The following MDFIC variants were observed in gnomAD, a reference collection of about 807,000 sequenced individuals.
MDFIC encodes the protein MyoD family inhibitor domain containing, also known as myoD family inhibitor domain-containing protein.
In MDFIC, 17 loss-of-function variants were observed where a neutral mutation model predicts 23.2. The ratio of observed to expected loss-of-function variants is 0.73; its 90% CI spans 0.50 to 1.10. The LOEUF is 1.10. Among genes scored for constraint, MDFIC ranks in the 50% least tolerant of loss-of-function variants. MDFIC has a pLI of 0.00. For synonymous variants in MDFIC, 120 were observed against 115.2 expected, an observed-to-expected ratio of 1.04 and a Z score of -0.27; for missense variants, 356 against 316.6, an observed-to-expected ratio of 1.12 and a Z score of -0.95.
intron 3 of MDFIC, among the ~76,000 whole-genome samples, chr7:114,951,202 G>C (rs1792762026): frequency 6.6e-6 from 1 of 151,208 alleles, no homozygotes; most frequent in Admixed American, 6.6e-5. Flanking sequence ...AAAAAGAAAA[G>C]AAAGACAAAT....
intron 2 of MDFIC, among the ~76,000 whole-genome samples, chr7:114,931,526 G>A: frequency 6.6e-6 from 1 of 152,178 alleles, no homozygotes; most frequent in Non-Finnish European, 1.5e-5. Flanking sequence ...AATTAAGAAT[G>A]TATAGTTTTG....
chr7:114,998,027 G>T (rs919120490), intron 4 of MDFIC, among the ~76,000 whole-genome samples: 1 of 152,092 alleles, frequency 6.6e-6, no homozygotes, highest in Non-Finnish European at 1.5e-5. Context: ...CATTTGGGAC[G>T]ATGAAAAATA....
chr7:115,015,361 A>G (rs1791774109), intron 4 of MDFIC, among the ~76,000 whole-genome samples: 7 of 152,232 alleles, frequency 4.6e-5, no homozygotes, highest in African/African-American at 9.6e-5. Context: ...GCAATAGGAT[A>G]TAGAAAGATG....
Position 115,016,003 on chromosome 7 carries a change from C to A in MDFIC, c.*68C>A. On this transcript the variant is annotated 3_prime_UTR_variant, in exon 5 of 5. Transcript: ENST00000393486. ...AATTTCCTTTTGGGGGGAAGAAAAG[C>A]ACATTGTAAGATTCTCATGAAACAA... 1 of 1,457,714 alleles carries A rather than the reference C, an allele frequency of 6.9e-7. No individual in the cohort carries two copies. Among genetic ancestry groups the A allele is most frequent in the Non-Finnish European group, 9.3e-7 (1 of 1,071,428 alleles). 90.3% of individuals were successfully genotyped at this position (1,457,714 alleles called of 1,614,324 possible).
At chr7:114,953,104 G>A (rs191351896) in intron 3 of MDFIC, among the ~76,000 whole-genome samples, 1 of 152,296 alleles carries the variant, frequency 6.6e-6, no homozygotes, top group Non-Finnish European at 1.5e-5. Context: ...GAACATGGAA[G>A]ATTAAACCCA....
At chr7:114,953,124 A>G (rs1221039806) in intron 3 of MDFIC, among the ~76,000 whole-genome samples, 1 of 152,226 alleles carries the variant, frequency 6.6e-6, no homozygotes, top group African/African-American at 2.4e-5. Flanking sequence ...ATATTCCTAC[A>G]TATTTAAGTT....
intron 3 of MDFIC, among the ~76,000 whole-genome samples, chr7:114,951,459 T>C (rs1028112577): frequency 1.2e-4 from 19 of 152,296 alleles, no homozygotes; most frequent in African/African-American, 4.3e-4. Flanking sequence ...AAGACATATG[T>C]CAGTGTCTGT....
chr7:114,933,269 T>TTTG (rs1792360839), intron 2 of MDFIC, among the ~76,000 whole-genome samples: 2 of 151,466 alleles, frequency 1.3e-5, no homozygotes, highest in African/African-American at 4.8e-5. Context: ...TTTTTTTTTT[T>TTTG]TCCTTTTGAG....
intron 3 of MDFIC, among the ~76,000 whole-genome samples, chr7:114,978,310 A>G (rs1421560340): frequency 1.3e-5 from 2 of 152,070 alleles, no homozygotes; most frequent in Non-Finnish European, 2.9e-5. Flanking sequence ...GTCAAGTTCC[A>G]TAAACAAGCC....
At chr7:114,930,926 G>A (rs759073582) in intron 2 of MDFIC, among the ~76,000 whole-genome samples, 46 of 152,150 alleles carry the variant, frequency 3.0e-4, no homozygotes, top group Non-Finnish European at 5.6e-4. Flanking sequence ...CTAGATTCTA[G>A]ATTTTGGACA....
At chr7:114,965,457 T>C (rs1462191849) in intron 3 of MDFIC, among the ~76,000 whole-genome samples, 1 of 152,226 alleles carries the variant, frequency 6.6e-6, no homozygotes, top group Non-Finnish European at 1.5e-5. Flanking sequence ...AGAGAAAATC[T>C]GGACTCCCAG....
chr7:114,929,580 A>G lies in MDFIC; in HGVS notation c.94+6453A>G, dbSNP rs571796101. Among the ~76,000 whole-genome samples, 4 of 152,342 alleles carry G rather than the reference A, an allele frequency of 2.6e-5. No homozygotes were observed. The South Asian group carries it at 8.3e-4, about 32-fold the overall frequency. ...GGTGGAAAAGTAGAAATTTAAGGTA[A>G]TCCATAAGTTTGCTTTGTAGCCTGA... On this transcript the variant is annotated intron_variant, in intron 2 of 4. Coordinates refer to ENST00000393486, the MANE Select transcript of MDFIC (RefSeq NM_001166345.3).
At position 115,015,715 on chromosome 7, in the gene MDFIC, G is replaced by T; in HGVS notation, c.521G>T (p.Cys174Phe). 6.2e-7 allele frequency: 1 copy of T among 1,614,146 alleles called. No homozygotes were observed. The highest frequency in any genetic ancestry group is 8.5e-7 in the Non-Finnish European group (1 of 1,180,030). ...EDCCVHCILA[C>F]LFCEFLTLCN... Reference sequence around the variant, plus strand: ...TGTTGTGTCCACTGTATCCTGGCTTGCTTGTTCTGCGAATTCCTGACCCTT... The same window carrying T: ...TGTTGTGTCCACTGTATCCTGGCTTTCTTGTTCTGCGAATTCCTGACCCTT... Residue 174 changes from cysteine to phenylalanine, a missense_variant, in exon 5 of 5, where the codon TGC becomes TTC. Cys to Phe is a radical substitution (Grantham distance 205). Transcript: ENST00000393486.
intron 2 of MDFIC, among the ~76,000 whole-genome samples, chr7:114,924,802 C>T (rs1792158930): frequency 6.6e-6 from 1 of 152,060 alleles, no homozygotes; most frequent in Admixed American, 6.5e-5. Flanking sequence ...AATATGATGT[C>T]TTAAACAGGC....
intron 4 of MDFIC, among the ~76,000 whole-genome samples, chr7:114,981,397 A>G (rs1793414894): frequency 6.6e-6 from 1 of 152,182 alleles, no homozygotes; most frequent in African/African-American, 2.4e-5. Context: ...CATAAGTAAC[A>G]TACGAAGGAG....
At chr7:114,931,041 C>G (rs923894678) in intron 2 of MDFIC, among the ~76,000 whole-genome samples, 2 of 152,136 alleles carry the variant, frequency 1.3e-5, no homozygotes, top group African/African-American at 2.4e-5. Context: ...TACTTGATCT[C>G]TCTCTCTCCC....
At chr7:114,993,221 G>A (rs1791228201) in intron 4 of MDFIC, among the ~76,000 whole-genome samples, 1 of 152,042 alleles carries the variant, frequency 6.6e-6, no homozygotes, top group African/African-American at 2.4e-5. Context: ...TTTTTATTGT[G>A]TCTATTTGAT....
intron 4 of MDFIC, among the ~76,000 whole-genome samples, chr7:114,985,830 TAATA>T: frequency 1.3e-5 from 2 of 152,048 alleles, no homozygotes; most frequent in East Asian, 3.9e-4. Flanking sequence ...CTGAAGCTAT[TAATA>T]TCACACAGGT....
At chr7:114,961,761 C>T (rs1167333132) in intron 3 of MDFIC, among the ~76,000 whole-genome samples, 1 of 152,092 alleles carries the variant, frequency 6.6e-6, no homozygotes, top group Non-Finnish European at 1.5e-5. Context: ...CTCATGAGAA[C>T]TCACTATCAT....
Sources: allele counts gnomAD v4.1 joint callset (sites outside exome capture counted in the v4.1 genomes callset), GRCh38; gene constraint gnomAD v4.1.1; transcripts MANE v1.5; gene names NCBI Gene and HGNC (gene_info 2026-07-23, HGNC 2026-07-21).